CCDC171: variants seen among roughly 807,000 people sequenced by gnomAD.
The protein encoded by CCDC171 is coiled-coil domain-containing protein 171.
Under a neutral mutation model 168.2 loss-of-function variants are expected in CCDC171, and 177 were observed. The observed-to-expected ratio is 1.05, with a 90% CI of 0.93 to 1.19. CCDC171 has a LOEUF of 1.19. Ranked by LOEUF, CCDC171 falls within the 50% of genes most tolerant of loss-of-function variation. CCDC171 has a pLI of 0.00. For missense variants in CCDC171, 1,991 were observed against 1,539.0 expected (o/e 1.29, Z -4.91); for synonymous variants, 687 against 540.8 (o/e 1.27, Z -3.75).
intron 20 of CCDC171, among the ~76,000 whole-genome samples, chr9:15,780,836 G>T (rs1202471463): frequency 1.3e-5 from 2 of 150,428 alleles, no homozygotes; most frequent in Non-Finnish European, 3.0e-5. Flanking sequence ...CAAAATTTGA[G>T]TATTTCCCTT....
chr9:15,943,759 A>G (rs980558560), intron 25 of CCDC171, among the ~76,000 whole-genome samples: 14 of 152,062 alleles, frequency 9.2e-5, no homozygotes, highest in Admixed American at 5.3e-4. Flanking sequence ...ATTGAATACA[A>G]AAAGGCATAA....
chr9:15,809,699 C>T (rs183873039), intron 21 of CCDC171, among the ~76,000 whole-genome samples: 4 of 152,216 alleles, frequency 2.6e-5, no homozygotes, highest in South Asian at 2.1e-4. Context: ...TGCAGACCTT[C>T]GTGGTGAGTG....
chr9:15,632,917 G>A (rs965858739), intron 7 of CCDC171, among the ~76,000 whole-genome samples: 5 of 152,216 alleles, frequency 3.3e-5, no homozygotes, highest in African/African-American at 7.2e-5. Context: ...AACAAGCAAC[G>A]CGGAAAGGAT....
rs529715361 is a variant in CCDC171, at chr9:15,712,277, C to G, written c.1319-9492C>G. Among the ~76,000 whole-genome samples the G allele has an allele frequency of 5.9e-5, 9 of 152,288 alleles. No homozygotes were observed. The South Asian group carries it at 1.2e-3, about 21-fold the overall frequency. On this transcript the variant is annotated intron_variant, in intron 11 of 25. Coordinates refer to ENST00000380701, the MANE Select transcript of CCDC171 (RefSeq NM_173550.4). ...ACCACATATTTGGGCACCCAATGAC[C>G]CAGTCAGGCTGATAAAAAATTCACC...
At position 15,859,181 on chromosome 9, in the gene CCDC171, A is replaced by C. The variant is rs74690150; in HGVS notation, c.3468+10234A>C. ...TTTTGTCCTTCATTCTGTTAATGTT[A>C]TGTATCATAATTGATTTTTGTATCT... On this transcript the variant is annotated intron_variant, in intron 23 of 25. Transcript: ENST00000380701. 6.7e-3 allele frequency among the ~76,000 whole-genome samples: 1,025 copies of C among 152,108 alleles called. 14 individuals carry two copies. The highest frequency in any genetic ancestry group is 0.024 in the African/African-American group (993 of 41,492).
chr9:15,914,587 T>C (rs932895153), intron 24 of CCDC171, among the ~76,000 whole-genome samples: 4 of 152,114 alleles, frequency 2.6e-5, no homozygotes, highest in Non-Finnish European at 5.9e-5. Flanking sequence ...CTGGGTTCCA[T>C]GGGGGCGGTC....
At chr9:15,984,356 G>A (rs1246080591) in intron 3 of CCDC171, among the ~76,000 whole-genome samples, 1 of 148,216 alleles carries the variant, frequency 6.7e-6, no homozygotes, top group African/African-American at 2.5e-5. Flanking sequence ...ATGGGGTTAG[G>A]TATGTAATTA....
chr9:15,574,828 AT>A, intron 3 of CCDC171, among the ~76,000 whole-genome samples: 1 of 152,230 alleles, frequency 6.6e-6, no homozygotes, highest in South Asian at 2.1e-4. Flanking sequence ...AAGTTAATTT[AT>A]TTTTCTGAGC....
At chr9:15,597,555 T>C (rs1229453343) in intron 6 of CCDC171, among the ~76,000 whole-genome samples, 3 of 152,202 alleles carry the variant, frequency 2.0e-5, no homozygotes, top group Non-Finnish European at 4.4e-5. Context: ...GCCAGTATTT[T>C]TTTGAGGATT....
chr9:15,618,273 G>A (rs1445250472), intron 6 of CCDC171, among the ~76,000 whole-genome samples: 3 of 152,166 alleles, frequency 2.0e-5, no homozygotes, highest in Non-Finnish European at 2.9e-5. Flanking sequence ...TTGCTTTGCT[G>A]TGGTGACTGT....
At chr9:15,656,746 G>C (rs973268890) in intron 7 of CCDC171, among the ~76,000 whole-genome samples, 2 of 152,150 alleles carry the variant, frequency 1.3e-5, no homozygotes, top group African/African-American at 4.8e-5. Context: ...GGTGGTGAGG[G>C]CTGGAGGAAG....
intron 3 of CCDC171, among the ~76,000 whole-genome samples, chr9:15,980,640 A>G (rs979796616): frequency 4.6e-5 from 7 of 152,114 alleles, no homozygotes; most frequent in Admixed American, 3.3e-4. Flanking sequence ...CAAGCTATAG[A>G]AGAAGGTCCT....
chr9:15,590,746 AG>A (rs1225973765), intron 4 of CCDC171, among the ~76,000 whole-genome samples: 1 of 141,376 alleles, frequency 7.1e-6, no homozygotes, highest in Non-Finnish European at 1.6e-5. Flanking sequence ...TCTTAAAAAT[AG>A]ATTTTTTTCT....
intron 7 of CCDC171, among the ~76,000 whole-genome samples, chr9:15,638,372 T>A (rs2046354169): frequency 6.6e-6 from 1 of 152,146 alleles, no homozygotes; most frequent in Admixed American, 6.6e-5. Context: ...GAGCATTTTA[T>A]GTTAGTTTTA....
At chr9:15,581,374 G>A (rs908893130) in intron 4 of CCDC171, among the ~76,000 whole-genome samples, 1 of 152,068 alleles carries the variant, frequency 6.6e-6, no homozygotes, top group Non-Finnish European at 1.5e-5. Context: ...TGTATAGATT[G>A]AATGCTGTCC....
chr9:15,694,478 G>T (rs143072120), intron 10 of CCDC171, among the ~76,000 whole-genome samples: 1 of 152,234 alleles, frequency 6.6e-6, no homozygotes, highest in East Asian at 1.9e-4. Context: ...GATACCTCCT[G>T]CCAAAAAGAA....
chr9:15,944,541 T>G (rs1828078554), intron 25 of CCDC171, among the ~76,000 whole-genome samples: 1 of 152,140 alleles, frequency 6.6e-6, no homozygotes, highest in East Asian at 1.9e-4. Context: ...GATATATTAT[T>G]TTTATGAACT....
At chr9:15,923,500 G>A (rs1474958616) in intron 25 of CCDC171, among the ~76,000 whole-genome samples, 3 of 151,316 alleles carry the variant, frequency 2.0e-5, no homozygotes, top group Non-Finnish European at 4.4e-5. Context: ...GGAGTGGATA[G>A]GGGAGAGAGA....
intron 21 of CCDC171, among the ~76,000 whole-genome samples, chr9:15,837,523 A>ATG (rs776914284): frequency 2.0e-5 from 3 of 152,192 alleles, no homozygotes; most frequent in Non-Finnish European, 2.9e-5. Context: ...CCCAGAATAT[A>ATG]TATTTTTCAA....
Sources: allele counts gnomAD v4.1 joint callset (sites outside exome capture counted in the v4.1 genomes callset), GRCh38; gene constraint gnomAD v4.1.1; transcripts MANE v1.5; gene names NCBI Gene and HGNC (gene_info 2026-07-23, HGNC 2026-07-21).